The following FBXO3 variants were observed in gnomAD, a reference collection of about 807,000 sequenced individuals.
The protein encoded by FBXO3 is F-box protein 3.
A neutral mutation model predicts 64.8 loss-of-function variants in FBXO3; 17 were observed. That is an observed-to-expected ratio of 0.26 (90% CI 0.18 to 0.39). The LOEUF is 0.39. FBXO3 is among the 10% of genes least tolerant of loss of function. The pLI is 1.00. For missense variants in FBXO3, 420 were observed against 589.9 expected, an observed-to-expected ratio of 0.71 and a Z score of 2.98; for synonymous variants, 182 against 201.6, an observed-to-expected ratio of 0.90 and a Z score of 0.82.
At chr11:33,744,328 G>A (rs1400451497) in intron 10 of FBXO3, 2 of 152,056 alleles carry the variant, frequency 1.3e-5, no homozygotes, top group Non-Finnish European at 2.9e-5. Context: ...CACACAAACA[G>A]CAGATGCAGA....
At chr11:33,764,873 C>T (rs11032373) in intron 3 of FBXO3, among the ~76,000 whole-genome samples, 47,305 of 151,888 alleles carry the variant, frequency 0.31, 7,814 homozygotes, top group East Asian at 0.51. Flanking sequence ...ACTTGGGAGG[C>T]GGAGGCAGGA....
intron 3 of FBXO3, among the ~76,000 whole-genome samples, chr11:33,766,790 T>G (rs947816766): frequency 1.3e-5 from 2 of 152,110 alleles, no homozygotes; most frequent in Non-Finnish European, 2.9e-5. Flanking sequence ...GACTTGGTTT[T>G]AAAATTCGTA....
intron 6 of FBXO3, among the ~76,000 whole-genome samples, chr11:33,751,949 T>C (rs1854971609): frequency 6.6e-6 from 1 of 152,178 alleles, no homozygotes; most frequent in African/African-American, 2.4e-5. Context: ...ATTGAACATA[T>C]AGAACAAAGA....
At chr11:33,762,983 A>T (rs1334833897) in intron 3 of FBXO3, among the ~76,000 whole-genome samples, 1 of 152,204 alleles carries the variant, frequency 6.6e-6, no homozygotes, top group South Asian at 2.1e-4. Context: ...TATTATGAAA[A>T]ACTTCATGTC....
At chr11:33,768,359 C>G (rs1166336025) in intron 3 of FBXO3, among the ~76,000 whole-genome samples, 2 of 152,104 alleles carry the variant, frequency 1.3e-5, no homozygotes, top group Admixed American at 6.5e-5. Context: ...TTGCAAATGT[C>G]AAAATAAGGA....
intron 2 of FBXO3, among the ~76,000 whole-genome samples, chr11:33,770,011 A>G (rs1019067470): frequency 6.6e-6 from 1 of 152,174 alleles, no homozygotes; most frequent in African/African-American, 2.4e-5. Flanking sequence ...CTCAAAGGAA[A>G]TCTTAGGTAT....
chr11:33,750,270 C>T (rs17761158), intron 8 of FBXO3, among the ~76,000 whole-genome samples: 24,177 of 152,126 alleles, frequency 0.16, 2,467 homozygotes, highest in Middle Eastern at 0.32. Context: ...GCTTTAATGA[C>T]GACTACAACT....
intron 3 of FBXO3, among the ~76,000 whole-genome samples, chr11:33,762,952 A>G (rs755901266): frequency 2.0e-5 from 3 of 152,210 alleles, no homozygotes; most frequent in Non-Finnish European, 2.9e-5. Context: ...AGATCCAACA[A>G]GCACTAAAAA....
intron 3 of FBXO3, among the ~76,000 whole-genome samples, chr11:33,764,067 C>A (rs561149713): frequency 1.3e-5 from 2 of 152,210 alleles, no homozygotes; most frequent in South Asian, 4.1e-4. Context: ...GAGACATCAA[C>A]AATGTATATA....
chr11:33,761,797 C>T (rs1564992416), intron 3 of FBXO3, among the ~76,000 whole-genome samples: 1 of 152,128 alleles, frequency 6.6e-6, no homozygotes, highest in Non-Finnish European at 1.5e-5. Flanking sequence ...GAATTCAATT[C>T]CTTAGGACTG....
At position 33,741,992 on chromosome 11, in the gene FBXO3, T is replaced by C. The variant is rs770976528; in HGVS notation, c.1332A>G (p.Glu444=). Reference sequence around the variant, plus strand: ...TCTCCTCTTCATCATCTTCATCTGATTCATCCATATCTGCTGAATCATCAT... The same window carrying C: ...TCTCCTCTTCATCATCTTCATCTGACTCATCCATATCTGCTGAATCATCAT... ...DEDDDSADMD[E]SDEDDEEERR... is the part of the protein sequence containing the mutation. The change falls in exon 11 of 11, where the codon GAA becomes GAG. Residue 444 remains glutamate (E), a synonymous_variant. Transcript: ENST00000265651. 5 of 1,613,296 alleles carry C rather than the reference T, an allele frequency of 3.1e-6. No individual in the cohort carries two copies. The East Asian group carries it at 1.1e-4, about 36-fold the overall frequency.
At chr11:33,749,556 G>A (rs771454304) in intron 8 of FBXO3, among the ~76,000 whole-genome samples, 1 of 151,984 alleles carries the variant, frequency 6.6e-6, no homozygotes, top group Non-Finnish European at 1.5e-5. Flanking sequence ...GTAGGACAAG[G>A]TCTCACTATG....
At chr11:33,772,806 G>A (rs571904554) in intron 1 of FBXO3, 3 of 151,710 alleles carry the variant, frequency 2.0e-5, no homozygotes, top group Non-Finnish European at 2.9e-5. Flanking sequence ...GCAAGCCCTC[G>A]GGGAAAAAAA....
intron 7 of FBXO3, among the ~76,000 whole-genome samples, chr11:33,751,065 T>C (rs1192088338): frequency 6.6e-6 from 1 of 152,214 alleles, no homozygotes; most frequent in African/African-American, 2.4e-5. Context: ...CTCTAATGTA[T>C]AATCAATCTA....
At chr11:33,751,722 T>G (rs569478198) in intron 6 of FBXO3, 115 bp from the exon 7 acceptor site, 7 of 562,802 alleles carry the variant, frequency 1.2e-5, no homozygotes, top group Admixed American at 7.3e-5. Flanking sequence ...ACTAGAAACA[T>G]TTATAGATAT....
At position 33,742,096 on chromosome 11, in the gene FBXO3, A is replaced by C; in HGVS notation, c.1240-12T>G. 1 of 1,539,056 alleles carries C rather than the reference A, an allele frequency of 6.5e-7. No homozygotes were observed. Among genetic ancestry groups the C allele is most frequent in the South Asian group, 1.2e-5 (1 of 82,134 alleles). ...TCAGGACCCATTTCCTTGAAAGAGA[A>C]AACAATCTTTTGATAAGAAGAGCAT... On this transcript the variant is annotated splice_polypyrimidine_tract_variant and intron_variant, in intron 10 of 10. Transcript: ENST00000265651.
chr11:33,747,729 C>G (rs1029591808), intron 9 of FBXO3, among the ~76,000 whole-genome samples: 1 of 152,066 alleles, frequency 6.6e-6, no homozygotes, highest in Non-Finnish European at 1.5e-5. Context: ...CCAGGCTGGT[C>G]TCAAACTCCT....
intron 9 of FBXO3, 78 bp downstream of exon 9, chr11:33,748,697 TTA>T (rs1246645264): frequency 2.0e-5 from 17 of 832,674 alleles, no homozygotes; most frequent in Non-Finnish European, 3.3e-5. Context: ...CTTTATACAT[TTA>T]TATGTTATAT....
At chr11:33,749,442 C>T (rs973439109) in intron 8 of FBXO3, among the ~76,000 whole-genome samples, 1 of 151,252 alleles carries the variant, frequency 6.6e-6, no homozygotes, top group Admixed American at 6.6e-5. Context: ...CTCACTGCAG[C>T]CTTGACCTCC....
Sources: gnomAD v4.1 joint callset for allele counts (sites outside exome capture counted in the v4.1 genomes callset) on GRCh38, gnomAD v4.1.1 for gene constraint, MANE v1.5 for transcripts, NCBI Gene and HGNC (gene_info 2026-07-23, HGNC 2026-07-21) for gene names.